Variants in LRP1B observed in about 807,000 individuals in gnomAD.
LRP1B encodes low-density lipoprotein receptor-related protein 1B.
LRP1B carries 217 observed loss-of-function variants against 556.6 expected under a neutral mutation model. The observed-to-expected ratio is 0.39, with a 90% CI of 0.35 to 0.44. LRP1B has a LOEUF of 0.44. LRP1B is among the 20% of genes least tolerant of loss of function. The probability of loss-of-function intolerance (pLI) is 1.00; values close to 1 mark genes in which losing one functional copy is unlikely to be tolerated. For synonymous variants in LRP1B, 2,047 were observed against 1,865.8 expected, an observed-to-expected ratio of 1.10 and a Z score of -2.50; for missense variants, 5,053 against 5,620.8, an observed-to-expected ratio of 0.90 and a Z score of 3.23.
Position 140,526,239 on chromosome 2 carries a change from C to T in LRP1B, c.7874G>A (p.Cys2625Tyr), listed in dbSNP as rs544073993. ...CAAAAGGTAGTGGAATATCTTACTG[C>T]AGTTCTTTTCATCTGAAGCATCTGC... Reference protein sequence around the residue: ...DCADASDEKNCNNTDCTHFYK... With the variant: ...DCADASDEKNYNNTDCTHFYK... The change falls in exon 48 of 91, where the codon TGC becomes TAC. Residue 2625 changes from cysteine to tyrosine, a missense_variant and splice_region_variant. Physicochemically the swap from Cys to Tyr is radical, Grantham distance 194 (BLOSUM62 -2). Coordinates refer to ENST00000389484, the MANE Select transcript of LRP1B (RefSeq NM_018557.3). 6.2e-7 allele frequency: 1 copy of T among 1,610,304 alleles called. No individual in the cohort carries two copies. The highest frequency in any genetic ancestry group is 1.3e-5 in the African/African-American group (1 of 74,844).
rs12613746 is a variant in LRP1B at position 141,643,204 on chromosome 2, G to A, written c.206-162671C>T. ...ACCACTAATCTGGTACTCTGCAATG[G>A]CATGCCTAGAAGACTGGTCTTCTTT... On this transcript the variant is annotated intron_variant, in intron 2 of 90. Coordinates refer to ENST00000389484, the MANE Select transcript of LRP1B (RefSeq NM_018557.3). 7.7e-4 allele frequency among the ~76,000 whole-genome samples: 117 copies of A among 152,230 alleles called. 1 individual carries two copies. In the East Asian group the frequency reaches 0.022, roughly 29 times the overall value.
intron 3 of LRP1B, among the ~76,000 whole-genome samples, chr2:141,313,193 A>C (rs1033314): frequency 0.1 from 15,842 of 152,186 alleles, 990 homozygotes; most frequent in East Asian, 0.16. Context: ...TAACCAAGAT[A>C]GAAGCACTTC....
At chr2:140,666,711 AAT>A (rs1342270104) in intron 41 of LRP1B, among the ~76,000 whole-genome samples, 1 of 152,224 alleles carries the variant, frequency 6.6e-6, no homozygotes, top group African/African-American at 2.4e-5. Flanking sequence ...TTGGCTTTAA[AAT>A]GAGGACTACT....
At chr2:140,598,590 A>G in intron 43 of LRP1B, 41 bp downstream of exon 43, 1 of 1,441,534 alleles carries the variant, frequency 6.9e-7, no homozygotes, top group Non-Finnish European at 9.7e-7. Flanking sequence ...TAAATATATC[A>G]TTGTATAACT....
In LRP1B at chr2:141,368,980, G is replaced by T. The variant is rs181994991; in HGVS notation, c.343+111416C>A. On this transcript the variant is annotated intron_variant, in intron 3 of 90. Transcript: ENST00000389484. ...ATTATTTTTCTTCAAGTAATATAGGGAAACATGCTGATCTTAAACAGAATT... is the reference window on the plus strand; with the variant it reads ...ATTATTTTTCTTCAAGTAATATAGGTAAACATGCTGATCTTAAACAGAATT... Among the ~76,000 whole-genome samples, 416 of 152,136 alleles carry T rather than the reference G, an allele frequency of 2.7e-3. 4 individuals carry two copies. Among genetic ancestry groups the T allele is most frequent in the Admixed American group, 4.4e-3 (67 of 15,280 alleles).
At chr2:140,432,223 GAAC>G (rs908280106) in intron 66 of LRP1B, among the ~76,000 whole-genome samples, 1 of 152,014 alleles carries the variant, frequency 6.6e-6, no homozygotes, top group African/African-American at 2.4e-5. Flanking sequence ...GCCCACCAGA[GAAC>G]AACCCCCCTT....
intron 1 of LRP1B, among the ~76,000 whole-genome samples, chr2:142,068,647 T>C (rs1240172536): frequency 6.6e-6 from 1 of 151,492 alleles, no homozygotes; most frequent in Non-Finnish European, 1.5e-5. Context: ...TTTCTCAATA[T>C]GTTTTATTTG....
At chr2:140,243,262 T>A (rs1681026758) in intron 87 of LRP1B, among the ~76,000 whole-genome samples, 1 of 151,132 alleles carries the variant, frequency 6.6e-6, no homozygotes, top group African/African-American at 2.4e-5. Flanking sequence ...TGATAACTCA[T>A]GTCAAGGATT....
chr2:141,392,565 A>G (rs1319342926), intron 3 of LRP1B, among the ~76,000 whole-genome samples: 1 of 151,886 alleles, frequency 6.6e-6, no homozygotes, highest in Non-Finnish European at 1.5e-5. Context: ...GGTGATGTGT[A>G]ACTTCTGTGA....
intron 41 of LRP1B, among the ~76,000 whole-genome samples, chr2:140,653,352 T>C (rs985308187): frequency 1.3e-5 from 2 of 152,174 alleles, no homozygotes; most frequent in Admixed American, 1.3e-4. Context: ...TACATATCTC[T>C]TAAGGGAATA....
chr2:140,934,576 C>T (rs1288564116), intron 20 of LRP1B, among the ~76,000 whole-genome samples: 1 of 151,964 alleles, frequency 6.6e-6, no homozygotes, highest in African/African-American at 2.4e-5. Context: ...CCTATGAATC[C>T]CTCAGACCCC....
intron 1 of LRP1B, among the ~76,000 whole-genome samples, chr2:141,823,694 CAG>C (rs1231017524): frequency 1.3e-5 from 2 of 152,146 alleles, no homozygotes; most frequent in African/African-American, 2.4e-5. Context: ...TATTTTGAGA[CAG>C]AGTCTCATTC....
intron 1 of LRP1B, among the ~76,000 whole-genome samples, chr2:141,811,880 G>C (rs1350658349): frequency 1.3e-5 from 2 of 152,136 alleles, no homozygotes; most frequent in Admixed American, 1.3e-4. Context: ...AATGGTAAAA[G>C]AAGAAACCAC....
Position 140,510,040 on chromosome 2 carries a change from A to G in LRP1B, c.8286T>C (p.Ala2762=). The G allele has an allele frequency of 6.2e-7, 1 of 1,613,888 alleles. No individual in the cohort carries two copies. The highest frequency in any genetic ancestry group is 1.1e-5 in the South Asian group (1 of 91,058). The change falls in exon 52 of 91, where the codon GCT becomes GCC. Residue 2762 remains alanine (A), a synonymous_variant. Transcript: ENST00000389484. ...SDSICGAITC[A]ADMFSCQGSR... ...AGCCCTGGCAGCTGAACATGTCAGC[A>G]GCACAGGTTATGGCACCTGAAACAC...
chr2:141,402,416 A>G (rs1031679657), intron 3 of LRP1B, among the ~76,000 whole-genome samples: 1 of 152,146 alleles, frequency 6.6e-6, no homozygotes, highest in Non-Finnish European at 1.5e-5. Context: ...ATATTTCTCA[A>G]GAGTGGAAAT....
At chr2:140,411,144 C>G (rs866079282) in intron 66 of LRP1B, among the ~76,000 whole-genome samples, 1 of 152,226 alleles carries the variant, frequency 6.6e-6, no homozygotes, top group African/African-American at 2.4e-5. Context: ...GGCAATCTGT[C>G]TCTCTTGTAC....
intron 7 of LRP1B, among the ~76,000 whole-genome samples, chr2:141,107,462 A>T (rs1259708669): frequency 6.6e-6 from 1 of 152,122 alleles, no homozygotes; most frequent in East Asian, 1.9e-4. Flanking sequence ...CCTGGCCAAC[A>T]TGGTGAAACC....
chr2:140,796,290 A>T (rs190445609), intron 32 of LRP1B, among the ~76,000 whole-genome samples: 1 of 152,230 alleles, frequency 6.6e-6, no homozygotes, highest in East Asian at 1.9e-4. Flanking sequence ...CCATCTTCTG[A>T]TCATCAATTA....
At chr2:140,596,228 T>C (rs188249382) in intron 43 of LRP1B, among the ~76,000 whole-genome samples, 1 of 152,314 alleles carries the variant, frequency 6.6e-6, no homozygotes, top group East Asian at 1.9e-4. Flanking sequence ...CTTTCTCTTT[T>C]AAAAGAGCTT....
Sources: allele counts gnomAD v4.1 joint callset (sites outside exome capture counted in the v4.1 genomes callset), GRCh38; gene constraint gnomAD v4.1.1; transcripts MANE v1.5; gene names NCBI Gene and HGNC (gene_info 2026-07-23, HGNC 2026-07-21).